The following AKAP11 variants were observed in gnomAD, a reference collection of about 807,000 sequenced individuals.
AKAP11 encodes A-kinase anchor protein 11.
AKAP11 carries 36 observed loss-of-function variants against 146.1 expected under a neutral mutation model. The ratio of observed to expected loss-of-function variants is 0.25; its 90% CI spans 0.19 to 0.33. The LOEUF is 0.33. AKAP11 is among the 10% of genes least tolerant of loss of function. The pLI is 1.00. For missense variants in AKAP11, 2,201 were observed against 2,197.0 expected (o/e 1.00, Z -0.04); for synonymous variants, 780 against 786.5 (o/e 0.99, Z 0.14).
At chr13:42,298,983 C>T (rs1333104936) in intron 7 of AKAP11, among the ~76,000 whole-genome samples, 186 bp downstream of exon 7, 3 of 152,040 alleles carry the variant, frequency 2.0e-5, no homozygotes, top group Non-Finnish European at 4.4e-5. Context: ...ATCTGGTTTT[C>T]AGTTTTGCTT....
intron 1 of AKAP11, among the ~76,000 whole-genome samples, chr13:42,274,905 A>G (rs990042229): frequency 1.2e-4 from 18 of 152,258 alleles, no homozygotes; most frequent in Non-Finnish European, 8.8e-5. Flanking sequence ...TATTAATTAA[A>G]TGAGCCTCAT....
rs377335921 is a variant in AKAP11, at chr13:42,302,685, A to G, written c.3939A>G (p.Arg1313=). ...ATATAGAGGCTGTAGTGCACCCAAGAGAAGTGGATCCGTTTATTCTTTCAT... is the reference window on the plus strand; with the variant it reads ...ATATAGAGGCTGTAGTGCACCCAAGGGAAGTGGATCCGTTTATTCTTTCAT... ...KLDIEAVVHP[R]EVDPFILSLP... Residue 1313 remains arginine, a synonymous_variant, in exon 8 of 13, where the codon AGA becomes AGG. Coordinates refer to ENST00000025301, the MANE Select transcript of AKAP11 (RefSeq NM_016248.4). The G allele has an allele frequency of 4.4e-5, 71 of 1,614,026 alleles. No individual in the cohort carries two copies. Among genetic ancestry groups the G allele is most frequent in the African/African-American group, 1.2e-4 (9 of 74,922 alleles).
chr13:42,285,690 G>C (rs1046202523), intron 1 of AKAP11, among the ~76,000 whole-genome samples: 9 of 152,212 alleles, frequency 5.9e-5, no homozygotes, highest in African/African-American at 2.2e-4. Flanking sequence ...GTTTCACCTG[G>C]CAGGTGTTGT....
Position 42,300,949 on chromosome 13 carries a change from C to G in AKAP11, c.2203C>G (p.Pro735Ala). The change falls in exon 8 of 13, where the codon CCA (proline) becomes GCA (alanine). Residue 735 changes from proline (P) to alanine (A), a missense_variant. By Grantham distance (27) the Pro-to-Ala change is conservative (BLOSUM62 -1). This residue lies in a region of AKAP11 where 1,867 missense variants were observed against 1,833.5 expected (regional missense o/e 1.02). Transcript: ENST00000025301. Reference protein sequence around the residue: ...IKYVSAESVVPSTQAVTFSPS... With the variant: ...IKYVSAESVVASTQAVTFSPS... ...GTATGTGAGTGCAGAAAGTGTAGTG[C>G]CATCGACACAGGCTGTCACGTTTTC... 6 of 1,614,078 alleles carry G rather than the reference C, an allele frequency of 3.7e-6. No homozygotes were observed. The highest frequency in any genetic ancestry group is 5.1e-6 in the Non-Finnish European group (6 of 1,179,964).
rs772873723 is a variant in AKAP11 at position 42,303,099 on chromosome 13, C to G, written c.4353C>G (p.Val1451=). ...CCCTGGATCCATATAGAAATGAGGT[C>G]TCCCAACTGTATAGTTTTTCAACCT... The part of the protein sequence containing the change: ...ERTLDPYRNE[V]SQLYSFSTSL... Residue 1451 remains valine, a synonymous_variant, in exon 8 of 13, where the codon GTC becomes GTG. Coordinates refer to ENST00000025301, the MANE Select transcript of AKAP11 (RefSeq NM_016248.4). The G allele has an allele frequency of 2.5e-6, 4 of 1,613,984 alleles. No homozygotes were observed. The highest frequency in any genetic ancestry group is 3.4e-6 in the Non-Finnish European group (4 of 1,180,008).
chr13:42,284,567 A>G (rs994033438), intron 1 of AKAP11, among the ~76,000 whole-genome samples: 6 of 152,206 alleles, frequency 3.9e-5, no homozygotes, highest in Non-Finnish European at 8.8e-5. Context: ...CTTTGTTTTG[A>G]TAATTTTTGG....
At chr13:42,289,971 T>G (rs1959193347) in intron 3 of AKAP11, among the ~76,000 whole-genome samples, 1 of 152,204 alleles carries the variant, frequency 6.6e-6, no homozygotes, top group South Asian at 2.1e-4. Flanking sequence ...AGTATGTCAG[T>G]ATCATTACCA....
chr13:42,292,159 C>A (rs184752662), intron 3 of AKAP11, among the ~76,000 whole-genome samples: 1 of 152,200 alleles, frequency 6.6e-6, no homozygotes, highest in Admixed American at 6.5e-5. Flanking sequence ...GAGTTGAATG[C>A]CCAGGCTCCA....
intron 1 of AKAP11, among the ~76,000 whole-genome samples, chr13:42,282,174 G>A (rs1959076721): frequency 6.6e-6 from 1 of 151,158 alleles, no homozygotes; most frequent in African/African-American, 2.4e-5. Flanking sequence ...TTGCCATGTT[G>A]CCCAGGCTGT....
chr13:42,281,105 G>C (rs1466784303), intron 1 of AKAP11, among the ~76,000 whole-genome samples: 1 of 152,152 alleles, frequency 6.6e-6, no homozygotes, highest in Non-Finnish European at 1.5e-5. Context: ...AAATTAGGGA[G>C]TTATTTGCAT....
At chr13:42,304,648 ATACT>A (rs1566284117) in intron 8 of AKAP11, among the ~76,000 whole-genome samples, 1 of 152,236 alleles carries the variant, frequency 6.6e-6, no homozygotes, top group Non-Finnish European at 1.5e-5. Context: ...AATTCTTTAC[ATACT>A]TACACCATTT....
chr13:42,279,215 A>G (rs1025262241), intron 1 of AKAP11, among the ~76,000 whole-genome samples: 7 of 78,864 alleles, frequency 8.9e-5, no homozygotes, highest in African/African-American at 3.5e-4. Context: ...TTGTCTTCAA[A>G]TTTTTTTTTC....
chr13:42,301,263 T>C lies in AKAP11; in HGVS notation c.2517T>C (p.Pro839=), dbSNP rs143733333. The C allele has an allele frequency of 1.8e-4, 283 of 1,613,968 alleles. No homozygotes were observed. The African/African-American group carries it at 3.0e-3, about 17-fold the overall frequency. ...CTTGTCTCAGAAATATTTGTTTACCTTCAGAACACAATCCAGGTAATCAGA... is the reference window on the plus strand; with the variant it reads ...CTTGTCTCAGAAATATTTGTTTACCCTCAGAACACAATCCAGGTAATCAGA... ...KAACLRNICL[P]SEHNPGNQND... Residue 839 remains proline, a synonymous_variant, in exon 8 of 13, where the codon CCT becomes CCC. Coordinates refer to ENST00000025301, the MANE Select transcript of AKAP11 (RefSeq NM_016248.4).
At position 42,299,560 on chromosome 13, in the gene AKAP11, A is replaced by C. The variant is rs372888911; in HGVS notation, c.814A>C (p.Ile272Leu). 2 of 1,613,976 alleles carry C rather than the reference A, an allele frequency of 1.2e-6. No homozygotes were observed. Among genetic ancestry groups the C allele is most frequent in the South Asian group, 2.2e-5 (2 of 91,082 alleles). ...PSVKTSVTTS[I>L]SEPWTQRSFY... is the part of the protein sequence containing the mutation. ...TGTGAAAACTTCAGTCACAACATCA[A>C]TTTCAGAGCCTTGGACCCAAAGGAG... is the stretch of plus-strand genomic sequence containing the variant. The change falls in exon 8 of 13, where the codon ATT becomes CTT. Residue 272 changes from isoleucine (I) to leucine (L), a missense_variant. Ile to Leu is a conservative substitution (Grantham distance 5). This residue lies in a region of AKAP11 where 331 missense variants were observed against 347.4 expected (regional missense o/e 0.95). Coordinates refer to ENST00000025301, the MANE Select transcript of AKAP11 (RefSeq NM_016248.4).
At position 42,322,331 on chromosome 13, in the gene AKAP11, C is replaced by G. The variant is rs1223694173; in HGVS notation, c.*3103C>G. ...TATGTATAAAGTGAAAGATAGTTTA[C>G]TTATCTGACTTTGATATTAGATGGC... On this transcript the variant is annotated 3_prime_UTR_variant, in exon 13 of 13. Transcript: ENST00000025301. 6.6e-6 allele frequency: 1 copy of G among 152,282 alleles called. No homozygotes were observed. Among genetic ancestry groups the G allele is most frequent in the African/African-American group, 2.4e-5 (1 of 41,456 alleles). 9.4% of individuals were successfully genotyped at this position (152,282 alleles called of 1,614,324 possible). A position where few individuals can be genotyped will look rare whatever the true frequency, so the allele number is the denominator to read the frequency against.
rs150281985 is a variant in AKAP11 at position 42,286,038 on chromosome 13, A to G, written c.-50+3A>G. On this transcript the variant is annotated splice_donor_region_variant and intron_variant, in intron 2 of 12. Coordinates refer to ENST00000025301, the MANE Select transcript of AKAP11 (RefSeq NM_016248.4). ...AAAAGGGCAGTGAGATTGAATAGGT[A>G]AGGGTGTAAACTATTTTATAATTTT... The G allele has an allele frequency of 1.3e-3, 227 of 173,894 alleles. 2 individuals are homozygous for G. The highest frequency in any genetic ancestry group is 4.9e-3 in the African/African-American group (210 of 42,464). 10.8% of individuals were successfully genotyped at this position (173,894 alleles called of 1,614,324 possible). A position where few individuals can be genotyped will look rare whatever the true frequency, so the allele number is the denominator to read the frequency against.
chr13:42,317,321 A>T (rs1329432243), intron 11 of AKAP11, among the ~76,000 whole-genome samples: 2 of 152,236 alleles, frequency 1.3e-5, no homozygotes. Context: ...CAATCAATAA[A>T]TGATCAAAGT....
Position 42,299,793 on chromosome 13 carries a change from C to T in AKAP11, c.1047C>T (p.Asp349=). 3 of 1,613,692 alleles carry T rather than the reference C, an allele frequency of 1.9e-6. No homozygotes were observed. Among genetic ancestry groups the T allele is most frequent in the East Asian group, 4.5e-5 (2 of 44,896 alleles). The change falls in exon 8 of 13, where the codon GAC becomes GAT. Residue 349 remains aspartate (D), a synonymous_variant. Transcript: ENST00000025301. The part of the protein sequence containing the change: ...PVMKDDIEDS[D]SEVSEFFDSF... ...TGAAAGATGATATAGAGGATTCAGA[C>T]TCAGAAGTAAGTGAATTTTTTGATA...
At position 42,286,408 on chromosome 13, in the gene AKAP11, A is replaced by G. The variant is rs540747518; in HGVS notation, c.51+9A>G. The G allele has an allele frequency of 1.3e-6, 2 of 1,588,104 alleles. No individual in the cohort carries two copies. The highest frequency in any genetic ancestry group is 1.4e-5 in the African/African-American group (1 of 73,662). On this transcript the variant is annotated intron_variant, in intron 3 of 12. Coordinates refer to ENST00000025301, the MANE Select transcript of AKAP11 (RefSeq NM_016248.4). ...AAGCATCTGTCAGAAAAGTAAGTTC[A>G]CTCTATTAGGTTTCTTTTAGTGAAA...
Sources: gnomAD v4.1 joint callset for allele counts (sites outside exome capture counted in the v4.1 genomes callset) on GRCh38, gnomAD v4.1.1 for gene constraint, gnomAD v4.1.1 regional missense constraint, MANE v1.5 for transcripts, NCBI Gene and HGNC (gene_info 2026-07-23, HGNC 2026-07-21) for gene names.